Variants in RAD51B observed in about 807,000 individuals in gnomAD.
RAD51B encodes the protein RAD51 paralog B, also known as DNA repair protein RAD51 homolog 2.
A neutral mutation model predicts 42.2 loss-of-function variants in RAD51B; 38 were observed. The observed-to-expected ratio is 0.90, with a 90% CI of 0.70 to 1.18. RAD51B has a LOEUF of 1.18. RAD51B is among the 50% of genes most tolerant of loss of function. RAD51B has a pLI of 0.00. For synonymous variants in RAD51B, 154 were observed against 145.2 expected, an observed-to-expected ratio of 1.06 and a Z score of -0.43; for missense variants, 373 against 400.7, an observed-to-expected ratio of 0.93 and a Z score of 0.59.
chr14:68,517,760 T>C (rs934380371), intron 10 of RAD51B, among the ~76,000 whole-genome samples: 2 of 152,246 alleles, frequency 1.3e-5, no homozygotes, highest in African/African-American at 4.8e-5. Flanking sequence ...TTCTTGTAGA[T>C]GGACTAGATA....
At chr14:68,595,951 C>CTTT (rs11305606) in exon 11 of RAD51B, 32 of 338,088 alleles carry the variant, frequency 9.5e-5, no homozygotes, top group African/African-American at 4.8e-4. Context: ...TTGGAATTGT[C>CTTT]TTTTTTTTTT....
chr14:68,419,636 C>T (rs1487882159), intron 9 of RAD51B, among the ~76,000 whole-genome samples: 1 of 152,220 alleles, frequency 6.6e-6, no homozygotes, highest in African/African-American at 2.4e-5. Context: ...CTCCTACAGA[C>T]AGCCATTTGT....
At chr14:68,131,840 G>A (rs1473058530) in intron 7 of RAD51B, among the ~76,000 whole-genome samples, 1 of 152,176 alleles carries the variant, frequency 6.6e-6, no homozygotes, top group Non-Finnish European at 1.5e-5. Flanking sequence ...TTATAGATTG[G>A]AAATCAAGTC....
chr14:68,081,631 C>T (rs1213438040), intron 7 of RAD51B, among the ~76,000 whole-genome samples: 1 of 152,180 alleles, frequency 6.6e-6, no homozygotes, highest in East Asian at 1.9e-4. Context: ...GCTGTGGTGA[C>T]ACTGAATGAG....
downstream of RAD51B, among the ~76,000 whole-genome samples, chr14:68,599,135 C>T (rs2140091181): frequency 6.6e-6 from 1 of 152,320 alleles, no homozygotes; most frequent in Non-Finnish European, 1.5e-5. Context: ...GGACATCGGC[C>T]AGTACCCTAT....
chr14:67,959,461 A>T (rs1016413914), intron 7 of RAD51B, among the ~76,000 whole-genome samples: 1 of 151,926 alleles, frequency 6.6e-6, no homozygotes, highest in African/African-American at 2.4e-5. Flanking sequence ...GTTAGCCAGG[A>T]TGGTCTCGAT....
chr14:68,622,902 T>G (rs1891985896), intron 10 of RAD51B, among the ~76,000 whole-genome samples: 1 of 151,970 alleles, frequency 6.6e-6, no homozygotes, highest in African/African-American at 2.4e-5. Context: ...CCTGACACCC[T>G]CAGACTGCAC....
At position 67,886,024 on chromosome 14, in the gene RAD51B, G is replaced by A. The variant is rs778455017; in HGVS notation, c.572+36G>A. The stretch of plus-strand genomic sequence containing the variant: ...TTAGATTTTGATTTTTTAGTAATGC[G>A]TTGAAGGTTTATGTTTTATCTTTTA... On this transcript the variant is annotated intron_variant, in intron 6 of 10. Transcript: ENST00000471583. 72 of 1,454,072 alleles carry A rather than the reference G, an allele frequency of 5.0e-5. No homozygotes were observed. In the Middle Eastern group the frequency reaches 8.2e-4, roughly 16 times the overall value. 90.1% of individuals were successfully genotyped at this position (1,454,072 alleles called of 1,614,324 possible). A position where few individuals can be genotyped will look rare whatever the true frequency, so the allele number is the denominator to read the frequency against.
At chr14:68,299,762 G>A (rs2081687062) in intron 8 of RAD51B, among the ~76,000 whole-genome samples, 1 of 152,120 alleles carries the variant, frequency 6.6e-6, no homozygotes, top group African/African-American at 2.4e-5. Context: ...TCTTTTGTAA[G>A]GATACAATTG....
intron 8 of RAD51B, among the ~76,000 whole-genome samples, chr14:68,377,643 C>G (rs1197678113): frequency 6.6e-6 from 1 of 152,210 alleles, no homozygotes; most frequent in African/African-American, 2.4e-5. Flanking sequence ...TAGGACAATA[C>G]CAGTATCTGT....
intron 7 of RAD51B, among the ~76,000 whole-genome samples, chr14:68,275,843 C>CG (rs2081214318): frequency 1.3e-5 from 2 of 149,868 alleles, no homozygotes; most frequent in East Asian, 3.9e-4. Flanking sequence ...CACACACACC[C>CG]TTGAATTCTC....
chr14:68,002,933 TTATAA>T lies in RAD51B; in HGVS notation c.756+115734_756+115738del, dbSNP rs1457539107. ...CCATGCTGTTTTAGTTACTGTTGCC[TTATAA>T]TATAGTTTGAAGTCAGGTAGTGTGA... is the stretch of plus-strand genomic sequence containing the variant. On this transcript the variant is annotated intron_variant, in intron 7 of 10. Transcript: ENST00000471583. Among the ~76,000 whole-genome samples, 4 of 152,324 alleles carry T rather than the reference TTATAA, an allele frequency of 2.6e-5. No homozygotes were observed. The South Asian group carries it at 6.2e-4, about 24-fold the overall frequency.
intron 9 of RAD51B, among the ~76,000 whole-genome samples, chr14:68,424,661 G>C (rs1160643733): frequency 6.6e-6 from 1 of 152,098 alleles, no homozygotes; most frequent in Non-Finnish European, 1.5e-5. Context: ...TTCTCATGTA[G>C]ATTTGCTAAA....
chr14:68,608,892 A>T (rs1891560900), intron 10 of RAD51B, among the ~76,000 whole-genome samples: 1 of 151,992 alleles, frequency 6.6e-6, no homozygotes, highest in South Asian at 2.1e-4. Flanking sequence ...GCCGGCCCAG[A>T]TACTCCCTTC....
At chr14:68,166,200 A>G (rs1261196713) in intron 7 of RAD51B, among the ~76,000 whole-genome samples, 1 of 137,644 alleles carries the variant, frequency 7.3e-6, no homozygotes, top group Non-Finnish European at 1.5e-5. Flanking sequence ...TTCTCCAGCT[A>G]TACATGAAGA....
intron 9 of RAD51B, among the ~76,000 whole-genome samples, chr14:68,447,402 C>A (rs1430062810): frequency 1.3e-5 from 2 of 151,906 alleles, no homozygotes; most frequent in Non-Finnish European, 2.9e-5. Context: ...CATTCCTTTT[C>A]TTTTCCTCTT....
chr14:68,366,213 A>G (rs2083139756), intron 8 of RAD51B, among the ~76,000 whole-genome samples: 1 of 152,206 alleles, frequency 6.6e-6, no homozygotes, highest in African/African-American at 2.4e-5. Flanking sequence ...CCATCTGTTA[A>G]TGCTTATTCT....
intron 8 of RAD51B, among the ~76,000 whole-genome samples, chr14:68,365,463 G>GA (rs1266845128): frequency 2.0e-5 from 3 of 152,242 alleles, no homozygotes. Flanking sequence ...CCTATTTGAT[G>GA]AATCATGGTG....
chr14:67,997,879 C>A (rs1212165277), intron 7 of RAD51B, among the ~76,000 whole-genome samples: 3 of 152,096 alleles, frequency 2.0e-5, no homozygotes, highest in Non-Finnish European at 4.4e-5. Context: ...TGCTATTAAT[C>A]CCATTATTAA....
Sources: gnomAD v4.1 joint callset for allele counts (sites outside exome capture counted in the v4.1 genomes callset) on GRCh38, gnomAD v4.1.1 for gene constraint, MANE v1.5 for transcripts, NCBI Gene and HGNC (gene_info 2026-07-23, HGNC 2026-07-21) for gene names.